The following CEMIP2 variants were observed in gnomAD, a reference collection of about 807,000 sequenced individuals.
CEMIP2 encodes the protein cell migration inducing hyaluronidase 2.
In CEMIP2, 79 loss-of-function variants were observed where a neutral mutation model predicts 146.9. The observed-to-expected ratio is 0.54, with a 90% CI of 0.45 to 0.65. CEMIP2 has a LOEUF of 0.65. Ranked by LOEUF, CEMIP2 falls within the 30% of genes least tolerant of loss-of-function variation. The pLI is 0.00. For missense variants in CEMIP2, 1,596 were observed against 1,696.2 expected, an observed-to-expected ratio of 0.94 and a Z score of 1.04; for synonymous variants, 601 against 606.3, an observed-to-expected ratio of 0.99 and a Z score of 0.13.
intron 1 of CEMIP2, among the ~76,000 whole-genome samples, chr9:71,752,826 G>A (rs1824302618): frequency 6.6e-6 from 1 of 152,030 alleles, no homozygotes. Context: ...AATTAATGGG[G>A]GCAGAAAGAG....
At chr9:71,729,963 T>C in intron 9 of CEMIP2, 49 bp from the exon 10 acceptor site, 1 of 1,613,036 alleles carries the variant, frequency 6.2e-7, no homozygotes, top group Non-Finnish European at 8.5e-7. Context: ...TAAAAACTCC[T>C]GCCCACTAAA....
chr9:71,717,911 AGTG>A lies in CEMIP2; in HGVS notation c.2399+34_2399+36del, dbSNP rs775130560. On this transcript the variant is annotated intron_variant, in intron 13 of 23. Transcript: ENST00000377044. ...AAAAAAATCTGAAAAATAATACATC[AGTG>A]TCATCATATAATAACTTGGTAGAGA... The A allele has an allele frequency of 3.2e-6, 5 of 1,563,792 alleles. No individual in the cohort carries two copies. The African/African-American group carries it at 6.9e-5, about 21-fold the overall frequency.
In CEMIP2 at chr9:71,698,128, C is replaced by G. The variant is rs557875824; in HGVS notation, c.3454G>C (p.Val1152Leu). 67 of 1,614,160 alleles carry G rather than the reference C, an allele frequency of 4.2e-5. 2 individuals carry two copies. The African/African-American group carries it at 5.5e-4, about 13-fold the overall frequency. Residue 1152 changes from valine to leucine, a missense_variant, in exon 20 of 24, where the codon GTC becomes CTC. Val to Leu is a conservative substitution (Grantham distance 32). Transcript: ENST00000377044. ...GAGTCTGTGGCTGCTTGGATCTTGA[C>G]TCTTTCACATCCCTGAGATGAACAG... ...SYCSSQGCERVKIQAATDSKD... is the reference protein window; with the variant it reads ...SYCSSQGCERLKIQAATDSKD...
At chr9:71,713,026 A>G (rs1030746119) in intron 15 of CEMIP2, among the ~76,000 whole-genome samples, 3 of 152,236 alleles carry the variant, frequency 2.0e-5, no homozygotes, top group Admixed American at 1.3e-4. Flanking sequence ...AGAAAACCAA[A>G]TAGCCTAGTT....
rs1242052768 is a variant in CEMIP2 at position 71,714,941 on chromosome 9, T to C, written c.2584A>G (p.Arg862Gly). Residue 862 changes from arginine (R) to glycine (G), a missense_variant, in exon 15 of 24, where the codon AGG becomes GGG. Physicochemically the swap from Arg to Gly is moderately radical, Grantham distance 125 (BLOSUM62 -2). Transcript: ENST00000377044. ...GIDQKPRTLPRNRTFPIRGFQ... is the reference protein window; with the variant it reads ...GIDQKPRTLPGNRTFPIRGFQ... ...AGCTAAAGCAATGCTTACCTGTTCC[T>C]GGGTAATGTTCGAGGCTTCTGGTCT... 6.2e-7 allele frequency: 1 copy of C among 1,613,162 alleles called. No homozygotes were observed. Among genetic ancestry groups the C allele is most frequent in the Admixed American group, 1.7e-5 (1 of 59,798 alleles).
rs1274070075 is a variant in CEMIP2, at chr9:71,763,336, AGG to A, written c.-13+5019_-13+5020del. On this transcript the variant is annotated intron_variant, in intron 1 of 23. Transcript: ENST00000377044. ...CAAATCGATAACAATTTCACACTGG[AGG>A]GGGACTTAATCTGACCTGACCACGA... Among the ~76,000 whole-genome samples the A allele has an allele frequency of 2.6e-5, 4 of 152,264 alleles. No individual in the cohort carries two copies. The South Asian group carries it at 8.3e-4, about 32-fold the overall frequency.
At position 71,732,363 on chromosome 9, in the gene CEMIP2, C is replaced by A. The variant is rs371577811; in HGVS notation, c.1551G>T (p.Gly517=). The part of the protein sequence containing the change: ...QCQFFDYDTF[G]GHIMIMKNFT... Reference sequence around the variant, plus strand: ...TCCTTTTGCCTACCATAATGTGTCCCCCAAAGGTATCATAATCAAAAAATT... The same window carrying A: ...TCCTTTTGCCTACCATAATGTGTCCACCAAAGGTATCATAATCAAAAAATT... Residue 517 remains glycine (G), a synonymous_variant, in exon 7 of 24, where the codon GGG becomes GGT. Coordinates refer to ENST00000377044, the MANE Select transcript of CEMIP2 (RefSeq NM_013390.3). The A allele has an allele frequency of 2.5e-6, 4 of 1,611,294 alleles. No homozygotes were observed. The highest frequency in any genetic ancestry group is 3.4e-5 in the Admixed American group (2 of 59,360).
Position 71,716,526 on chromosome 9 carries a change from G to C in CEMIP2, c.2426C>G (p.Thr809Ser). 3 of 1,597,828 alleles carry C rather than the reference G, an allele frequency of 1.9e-6. No homozygotes were observed. Among genetic ancestry groups the C allele is most frequent in the Non-Finnish European group, 2.6e-6 (3 of 1,173,094 alleles). ...TTAAGCAATTACAAACCTGGCAAAG[G>C]TCAGTCCTATTCCATTATCTGCAAA... ...SAFADNGIGL[T>S]FASDGSFPSD... The change falls in exon 14 of 24, where the codon ACC becomes AGC. Residue 809 changes from threonine to serine, a missense_variant. Transcript: ENST00000377044.
chr9:71,763,882 C>T (rs980820276), intron 1 of CEMIP2, among the ~76,000 whole-genome samples: 5 of 152,126 alleles, frequency 3.3e-5, no homozygotes, highest in Admixed American at 2.0e-4. Flanking sequence ...CTGTATTGCT[C>T]ACAGCAACCA....
intron 1 of CEMIP2, among the ~76,000 whole-genome samples, chr9:71,756,234 A>G (rs2132033123): frequency 9.2e-6 from 1 of 108,642 alleles, no homozygotes; most frequent in South Asian, 3.6e-4. Flanking sequence ...ATATGTATAT[A>G]GGTGTATATA....
intron 13 of CEMIP2, 115 bp from the exon 14 acceptor site, chr9:71,716,667 A>G: frequency 1.3e-6 from 1 of 743,866 alleles, no homozygotes. Flanking sequence ...TTTACTCTCT[A>G]CATGACCACA....
At chr9:71,769,102 C>A (rs1040439686), upstream of CEMIP2, among the ~76,000 whole-genome samples, 4 of 152,160 alleles carry the variant, frequency 2.6e-5, no homozygotes, top group Non-Finnish European at 5.9e-5. Flanking sequence ...CCCCAGCCAG[C>A]GCCCCCCGCT....
In CEMIP2 at chr9:71,750,387, T is replaced by C. The variant is rs773127309; in HGVS notation, c.-12-2A>G. On this transcript the variant is annotated splice_acceptor_variant, in intron 1 of 23. Coordinates refer to ENST00000377044, the MANE Select transcript of CEMIP2 (RefSeq NM_013390.3). LOFTEE classifies it low-confidence loss of function (5UTR_SPLICE). ...AGTGGCATACATGATACACTGTTAC[T>C]GTGAAAAGAAAAAAAAATTAAGCTT... The C allele has an allele frequency of 2.6e-6, 4 of 1,548,164 alleles. No homozygotes were observed. The highest frequency in any genetic ancestry group is 1.2e-5 in the South Asian group (1 of 81,296).
intron 1 of CEMIP2, among the ~76,000 whole-genome samples, chr9:71,756,498 TCTCTCTCTCACA>T (rs377221935): frequency 6.4e-4 from 88 of 137,458 alleles, no homozygotes; most frequent in Admixed American, 1.4e-3. Flanking sequence ...TCTCTCTCTC[TCTCTCTCTCACA>T]CACACACACA....
intron 20 of CEMIP2, 94 bp downstream of exon 20, chr9:71,697,891 G>T: frequency 8.0e-7 from 1 of 1,253,376 alleles, no homozygotes; most frequent in Admixed American, 2.3e-5. Context: ...CCATAAATGG[G>T]CAATATAGAT....
At chr9:71,697,502 TTTAA>T (rs1336740946) in intron 20 of CEMIP2, among the ~76,000 whole-genome samples, 1 of 152,236 alleles carries the variant, frequency 6.6e-6, no homozygotes, top group Non-Finnish European at 1.5e-5. Flanking sequence ...TAGTCTGTAC[TTTAA>T]TTACAGATAG....
rs2131840256 is a variant in CEMIP2, at chr9:71,684,751, T to A, written c.*446A>T. On this transcript the variant is annotated 3_prime_UTR_variant, in exon 24 of 24. Transcript: ENST00000377044. ...TGCCCAGAAACAGGGCCCCAGGCAC[T>A]GCTGAACATGCCAGCCACCAAGTCA... The A allele has an allele frequency of 6.4e-6, 1 of 155,544 alleles. No individual in the cohort carries two copies. The highest frequency in any genetic ancestry group is 2.4e-5 in the African/African-American group (1 of 41,704). 9.6% of individuals were successfully genotyped at this position (155,544 alleles called of 1,614,324 possible). A position where few individuals can be genotyped will look rare whatever the true frequency, so the allele number is the denominator to read the frequency against.
At chr9:71,727,083 A>G (rs1295196449) in intron 10 of CEMIP2, among the ~76,000 whole-genome samples, 1 of 152,234 alleles carries the variant, frequency 6.6e-6, no homozygotes, top group East Asian at 1.9e-4. Context: ...TTTTACCGGA[A>G]CAGTTTTTCT....
chr9:71,719,464 T>C (rs1282857616), intron 12 of CEMIP2, among the ~76,000 whole-genome samples: 2 of 152,132 alleles, frequency 1.3e-5, no homozygotes, highest in African/African-American at 4.8e-5. Flanking sequence ...AATGGAAGCA[T>C]GGAATCAAGG....
Sources: gnomAD v4.1 joint callset for allele counts (sites outside exome capture counted in the v4.1 genomes callset) on GRCh38, gnomAD v4.1.1 for gene constraint, MANE v1.5 for transcripts, NCBI Gene and HGNC (gene_info 2026-07-23, HGNC 2026-07-21) for gene names.